Variants in SLC1A1 observed in about 807,000 individuals in gnomAD.
SLC1A1 encodes the protein solute carrier family 1 member 1.
In SLC1A1, 43 loss-of-function variants were observed where a neutral mutation model predicts 53.3. The ratio of observed to expected loss-of-function variants is 0.81; its 90% CI spans 0.63 to 1.04. The LOEUF (loss-of-function observed/expected upper bound fraction) is 1.04, where lower values mean the gene tolerates loss of function less well. SLC1A1 is among the 50% of genes least tolerant of loss of function. The pLI, the probability that SLC1A1 is intolerant of heterozygous loss-of-function variation, is 0.00. For missense variants in SLC1A1, 748 were observed against 664.9 expected (o/e 1.12, Z -1.37); for synonymous variants, 307 against 243.2 (o/e 1.26, Z -2.44).
At chr9:4,524,371 A>T (rs7024664) in intron 1 of SLC1A1, among the ~76,000 whole-genome samples, 114,300 of 151,968 alleles carry the variant, frequency 0.75, 43,675 homozygotes, top group Non-Finnish European at 0.82. Flanking sequence ...CTCAAACACA[A>T]AGAAATATAA....
At chr9:4,508,198 C>T (rs1820867904) in intron 1 of SLC1A1, among the ~76,000 whole-genome samples, 1 of 152,074 alleles carries the variant, frequency 6.6e-6, no homozygotes, top group Non-Finnish European at 1.5e-5. Context: ...ATGAGATTAG[C>T]AAACAAATCA....
chr9:4,569,497 GAA>G (rs1175675728), intron 6 of SLC1A1, among the ~76,000 whole-genome samples: 1 of 152,184 alleles, frequency 6.6e-6, no homozygotes, highest in Non-Finnish European at 1.5e-5. Context: ...TGGGATTTCA[GAA>G]TTGGAGATCA....
At chr9:4,567,494 A>C (rs1183023871) in intron 5 of SLC1A1, among the ~76,000 whole-genome samples, 175 bp from the exon 6 acceptor site, 1 of 152,200 alleles carries the variant, frequency 6.6e-6, no homozygotes, top group African/African-American at 2.4e-5. Flanking sequence ...CCTCGCTTTT[A>C]GTTCCAAAAC....
At chr9:4,528,347 C>T (rs1816339132) in intron 1 of SLC1A1, among the ~76,000 whole-genome samples, 1 of 152,098 alleles carries the variant, frequency 6.6e-6, no homozygotes, top group Non-Finnish European at 1.5e-5. Flanking sequence ...CCGAGGCAGG[C>T]AGATCACGGG....
At chr9:4,499,339 C>T (rs2130797330) in intron 1 of SLC1A1, among the ~76,000 whole-genome samples, 1 of 152,176 alleles carries the variant, frequency 6.6e-6, no homozygotes, top group Admixed American at 6.5e-5. Flanking sequence ...GTCACGGGGC[C>T]CAGCCATATA....
intron 1 of SLC1A1, among the ~76,000 whole-genome samples, chr9:4,519,164 A>G (rs1815976121): frequency 6.6e-6 from 1 of 152,364 alleles, no homozygotes; most frequent in East Asian, 1.9e-4. Context: ...TTTCTGTTCA[A>G]TCCTCCACTG....
At chr9:4,519,788 A>G (rs184181439) in intron 1 of SLC1A1, among the ~76,000 whole-genome samples, 2 of 152,240 alleles carry the variant, frequency 1.3e-5, no homozygotes, top group East Asian at 1.9e-4. Flanking sequence ...CAGATAGGTG[A>G]CTCATGGAAA....
intron 3 of SLC1A1, among the ~76,000 whole-genome samples, chr9:4,563,447 AG>A (rs1250176860): frequency 2.0e-5 from 3 of 152,152 alleles, no homozygotes; most frequent in Admixed American, 1.3e-4. Flanking sequence ...ACCCTGAGAG[AG>A]GAAAAGAGTG....
chr9:4,523,865 A>G (rs570033542), intron 1 of SLC1A1, among the ~76,000 whole-genome samples: 10 of 152,338 alleles, frequency 6.6e-5, no homozygotes, highest in African/African-American at 2.4e-4. Context: ...CACAGGCTAC[A>G]GGGTATTTTG....
chr9:4,538,270 G>T (rs998719043), intron 1 of SLC1A1, among the ~76,000 whole-genome samples: 1 of 152,166 alleles, frequency 6.6e-6, no homozygotes, highest in Non-Finnish European at 1.5e-5. Context: ...ATTTACATTG[G>T]TTCAGTCCAG....
In SLC1A1 at chr9:4,564,376, G is replaced by A; in HGVS notation, c.358G>A (p.Val120Ile). Residue 120 changes from valine (V) to isoleucine (I), a missense_variant, in exon 4 of 12, where the codon GTC becomes ATC. Val to Ile is a conservative substitution (Grantham distance 29). Coordinates refer to ENST00000262352, the MANE Select transcript of SLC1A1 (RefSeq NM_004170.6). ...IVLVVSIKPG[V>I]TQKVGEIART... ...GCTGGTGGTGAGCATCAAGCCTGGT[G>A]TCACCCAGAAAGTGGGTGAAATTGC... 1 of 1,613,680 alleles carries A rather than the reference G, an allele frequency of 6.2e-7. No homozygotes were observed.
chr9:4,494,903 G>A (rs1820360301), intron 1 of SLC1A1, among the ~76,000 whole-genome samples: 1 of 152,130 alleles, frequency 6.6e-6, no homozygotes, highest in Non-Finnish European at 1.5e-5. Context: ...TGAAAAATCT[G>A]TGATTTCAAC....
chr9:4,584,329 T>A (rs1821392901), intron 11 of SLC1A1, among the ~76,000 whole-genome samples: 1 of 152,226 alleles, frequency 6.6e-6, no homozygotes, highest in Admixed American at 6.5e-5. Context: ...TGCAAAGATA[T>A]CCTATCATTG....
At chr9:4,511,880 A>G (rs1369583683) in intron 1 of SLC1A1, among the ~76,000 whole-genome samples, 44 of 152,246 alleles carry the variant, frequency 2.9e-4, no homozygotes, top group Admixed American at 2.9e-3. Flanking sequence ...GGGCTGCAAG[A>G]TACAAGGTTA....
chr9:4,542,803 A>C (rs10491731), intron 1 of SLC1A1, among the ~76,000 whole-genome samples: 16,122 of 152,246 alleles, frequency 0.11, 1,204 homozygotes, highest in South Asian at 0.3. Flanking sequence ...GTTCTTATCC[A>C]TTCAAGAGTC....
chr9:4,535,017 C>T (rs563021559), intron 1 of SLC1A1, among the ~76,000 whole-genome samples: 64 of 152,254 alleles, frequency 4.2e-4, no homozygotes, highest in African/African-American at 1.3e-3. Flanking sequence ...ACCCTTCATT[C>T]TAAAAACTCT....
chr9:4,536,102 C>G (rs1327978260), intron 1 of SLC1A1, among the ~76,000 whole-genome samples: 1 of 152,120 alleles, frequency 6.6e-6, no homozygotes, highest in Non-Finnish European at 1.5e-5. Flanking sequence ...TAGAAGAAAA[C>G]CTAGGCAATA....
intron 2 of SLC1A1, among the ~76,000 whole-genome samples, chr9:4,558,137 T>A (rs1001548363): frequency 1.8e-4 from 28 of 152,224 alleles, no homozygotes; most frequent in African/African-American, 6.0e-4. Context: ...TATTTTATGG[T>A]CATTAAGTTC....
rs145060691 is a variant in SLC1A1, at chr9:4,586,084, C to T, written c.*526C>T. 302 of 187,244 alleles carry T rather than the reference C, an allele frequency of 1.6e-3. 1 individual carries two copies. The highest frequency in any genetic ancestry group is 6.8e-3 in the African/African-American group (283 of 41,718). 11.6% of individuals were successfully genotyped at this position (187,244 alleles called of 1,614,324 possible). A position where few individuals can be genotyped will look rare whatever the true frequency, so the allele number is the denominator to read the frequency against. Reference sequence around the variant, plus strand: ...TATCTCCAGCCAATTTCAAAGAAAACAGACCAGCATAGTTCTGCAATAACA... The same window carrying T: ...TATCTCCAGCCAATTTCAAAGAAAATAGACCAGCATAGTTCTGCAATAACA... On this transcript the variant is annotated 3_prime_UTR_variant, in exon 12 of 12. Coordinates refer to ENST00000262352, the MANE Select transcript of SLC1A1 (RefSeq NM_004170.6).
Sources: gnomAD v4.1 joint callset for allele counts (sites outside exome capture counted in the v4.1 genomes callset) on GRCh38, gnomAD v4.1.1 for gene constraint, MANE v1.5 for transcripts, NCBI Gene and HGNC (gene_info 2026-07-23, HGNC 2026-07-21) for gene names.